Variants in ADGRG2 observed in about 807,000 individuals in gnomAD.
ADGRG2 encodes G protein-coupled receptor 64.
In ADGRG2, 26 loss-of-function variants were observed where a neutral mutation model predicts 74.1. The observed-to-expected ratio is 0.35, with a 90% CI of 0.26 to 0.49. The LOEUF (loss-of-function observed/expected upper bound fraction) is 0.49. ADGRG2 is among the 20% of genes least tolerant of loss of function. ADGRG2 has a pLI of 0.99. For missense variants in ADGRG2, 619 were observed against 763.1 expected, an observed-to-expected ratio of 0.81 and a Z score of 2.22; for synonymous variants, 296 against 295.2, an observed-to-expected ratio of 1.00 and a Z score of -0.03.
chrX:19,065,286 G>C (rs1194073209), intron 3 of ADGRG2, among the ~76,000 whole-genome samples: 2 of 71,048 alleles, frequency 2.8e-5, no homozygotes, highest in African/African-American at 1.1e-4. Flanking sequence ...AAAAAAAAAA[G>C]TAAAGAAAAG....
At chrX:19,019,055 C>A (rs367736973) in intron 15 of ADGRG2, among the ~76,000 whole-genome samples, 1 of 111,493 alleles carries the variant, frequency 9.0e-6, no homozygotes, top group South Asian at 3.8e-4. Flanking sequence ...CCGTGTTAGC[C>A]GGGATGGTCT....
chrX:19,086,029 C>T (rs887814520), intron 1 of ADGRG2, among the ~76,000 whole-genome samples: 1 of 111,646 alleles, frequency 9.0e-6, no homozygotes, highest in Non-Finnish European at 1.9e-5. Flanking sequence ...AAAATAATGG[C>T]AAAAGCAATG....
Position 18,989,326 on chromosome X carries a change from A to ATTT in ADGRG2, c.*1535_*1537dup. ...CCAAACTTAAAGATCTTAACTGCAA[A>ATTT]TTTATTTCATTGATTTTAACATTTT... On this transcript the variant is annotated 3_prime_UTR_variant, in exon 29 of 29. Transcript: ENST00000379869. 1 of 112,541 alleles carries ATTT rather than the reference A, an allele frequency of 8.9e-6. No homozygotes were observed. Among genetic ancestry groups the ATTT allele is most frequent in the East Asian group, 2.7e-4 (1 of 3,637 alleles). 9.3% of individuals were successfully genotyped at this position (112,541 alleles called of 1,213,427 possible). A position where few individuals can be genotyped will look rare whatever the true frequency, so the allele number is the denominator to read the frequency against.
At chrX:19,006,386 G>T in intron 20 of ADGRG2, 121 bp from the exon 21 acceptor site, 1 of 527,213 alleles carries the variant, frequency 1.9e-6, no homozygotes, top group Non-Finnish European at 3.2e-6. Flanking sequence ...AGAATCTTAG[G>T]CTTAATTTTT....
intron 2 of ADGRG2, among the ~76,000 whole-genome samples, chrX:19,075,219 C>T (rs1242602389): frequency 2.8e-5 from 3 of 108,505 alleles, no homozygotes; most frequent in Non-Finnish European, 5.7e-5. Context: ...AAAAAGAGAT[C>T]TACACCTAGA....
chrX:19,034,454 T>C (rs1392501556), intron 7 of ADGRG2: 1 of 111,424 alleles, frequency 9.0e-6, no homozygotes, highest in African/African-American at 3.3e-5. Flanking sequence ...ATGGGCAAAT[T>C]CTGAAGAAAA....
intron 1 of ADGRG2, among the ~76,000 whole-genome samples, chrX:19,101,846 A>G (rs2062193798): frequency 9.0e-6 from 1 of 110,812 alleles, no homozygotes; most frequent in Non-Finnish European, 1.9e-5. Context: ...AGGGGATGGA[A>G]TTCCACATGC....
At chrX:19,008,287 G>A (rs976323530) in intron 18 of ADGRG2, among the ~76,000 whole-genome samples, 164 bp from the exon 19 acceptor site, 1 of 111,132 alleles carries the variant, frequency 9.0e-6, no homozygotes, top group Non-Finnish European at 1.9e-5. Context: ...TAATTAAAAC[G>A]CAGGGTTCTG....
At chrX:19,045,977 T>C (rs946530196) in intron 3 of ADGRG2, among the ~76,000 whole-genome samples, 8 of 112,030 alleles carry the variant, frequency 7.1e-5, no homozygotes, top group Non-Finnish European at 1.1e-4. Flanking sequence ...CTCCCACTCA[T>C]GGGCTCAAGG....
At chrX:19,020,963 AAGAG>A (rs2060576202) in intron 14 of ADGRG2, 137 bp downstream of exon 14, 1 of 465,781 alleles carries the variant, frequency 2.1e-6, no homozygotes, top group African/African-American at 2.5e-5. Flanking sequence ...TCAAAAAAAA[AAGAG>A]AGAGAAATTG....
rs760967425 is a variant in ADGRG2 at position 18,999,104 on chromosome X, C to T, written c.2506G>A (p.Ala836Thr). ...ATTCCCAGTAAAAATGTAAGGCCAG[C>T]GATACTCCTGAGGTCTTGAATACTG... ...KTSIQDLRSI[A>T]GLTFLLGITW... Residue 836 changes from alanine to threonine, a missense_variant, in exon 26 of 29, where the codon GCT (alanine) becomes ACT (threonine). Ala to Thr is a moderately conservative substitution (Grantham distance 58). Around this residue, in one of 3 missense-constraint regions of ADGRG2, gnomAD observed 221 missense variants for 340.6 expected, o/e 0.65. Coordinates refer to ENST00000379869, the MANE Select transcript of ADGRG2 (RefSeq NM_001079858.3). 5 of 1,207,383 alleles carry T rather than the reference C, an allele frequency of 4.1e-6. No individual in the cohort carries two copies. The highest frequency in any genetic ancestry group is 4.5e-6 in the Non-Finnish European group (4 of 892,904).
chrX:19,115,127 G>A (rs996614065), intron 1 of ADGRG2, among the ~76,000 whole-genome samples: 1 of 111,672 alleles, frequency 9.0e-6, no homozygotes, highest in Admixed American at 9.6e-5. Flanking sequence ...AATACTCCAC[G>A]CTTAACCTAA....
chrX:19,069,204 AT>A (rs1408062932), intron 2 of ADGRG2, among the ~76,000 whole-genome samples: 8 of 111,184 alleles, frequency 7.2e-5, no homozygotes, highest in Admixed American at 9.5e-5. Context: ...CCTTAAAAAA[AT>A]TTTTTTTTAA....
chrX:19,122,385 C>A lies in ADGRG2; in HGVS notation c.-47+57G>T, dbSNP rs1293954242. On this transcript the variant is annotated intron_variant, in intron 1 of 28. Coordinates refer to ENST00000379869, the MANE Select transcript of ADGRG2 (RefSeq NM_001079858.3). ...CCTCCAGCGCCCGTGGCCGGCTGTG[C>A]GAGTCTGGGTCTCAGGACCCCAAGG... The A allele has an allele frequency of 3.6e-5, 4 of 112,136 alleles. No individual in the cohort carries two copies. In the Admixed American group the frequency reaches 3.7e-4, roughly 10 times the overall value. The allele number at this position is 112,136 out of a possible 1,213,427, so 9.2% of individuals were successfully genotyped here.
intron 9 of ADGRG2, among the ~76,000 whole-genome samples, chrX:19,028,743 G>A (rs5955675): frequency 0.025 from 2,784 of 111,639 alleles, 42 homozygotes; most frequent in Middle Eastern, 0.042. Flanking sequence ...GTCCTGCGCC[G>A]CATGTGGCCC....
intron 23 of ADGRG2, 21 bp downstream of exon 23, chrX:19,004,737 T>C (rs1442595631): frequency 8.3e-7 from 1 of 1,200,246 alleles, no homozygotes; most frequent in East Asian, 3.0e-5. Flanking sequence ...TAAATCCAAA[T>C]TTCCGGTTGT....
chrX:19,011,268 A>G (rs1031610625), intron 16 of ADGRG2, among the ~76,000 whole-genome samples: 1 of 111,507 alleles, frequency 9.0e-6, no homozygotes, highest in African/African-American at 3.3e-5. Context: ...AAGGGACACA[A>G]GGGAACTTTG....
intron 15 of ADGRG2, 51 bp downstream of exon 15, chrX:19,019,547 GA>G (rs1182223383): frequency 1.2e-5 from 7 of 564,365 alleles, no homozygotes; most frequent in Admixed American, 3.1e-5. Context: ...CTAGCATGGT[GA>G]TTTTTTTTTT....
chrX:19,091,472 T>G (rs1016283663), intron 1 of ADGRG2, among the ~76,000 whole-genome samples: 1 of 95,070 alleles, frequency 1.1e-5, no homozygotes, highest in Admixed American at 1.2e-4. Flanking sequence ...AATCAAGAAA[T>G]GGAGACTACA....
Sources: allele counts gnomAD v4.1 joint callset (sites outside exome capture counted in the v4.1 genomes callset), GRCh38; gene constraint gnomAD v4.1.1; regional missense constraint gnomAD v4.1.1; transcripts MANE v1.5; gene names NCBI Gene and HGNC (gene_info 2026-07-23, HGNC 2026-07-21).